PLEKHM2: variants seen among roughly 807,000 people sequenced by gnomAD.
PLEKHM2 encodes the protein pleckstrin homology and RUN domain containing M2.
In PLEKHM2, 77 loss-of-function variants were observed where a neutral mutation model predicts 116.3. The ratio of observed to expected loss-of-function variants is 0.66; its 90% CI spans 0.55 to 0.80. The LOEUF (loss-of-function observed/expected upper bound fraction) is 0.80, where lower values mean the gene tolerates loss of function less well. PLEKHM2 is among the 30% of genes least tolerant of loss of function. PLEKHM2 has a pLI of 0.00. For synonymous variants in PLEKHM2, 562 were observed against 571.0 expected, an observed-to-expected ratio of 0.98 and a Z score of 0.22; for missense variants, 1,183 against 1,354.9, an observed-to-expected ratio of 0.87 and a Z score of 1.99.
intron 1 of PLEKHM2, among the ~76,000 whole-genome samples, chr1:15,690,188 T>G (rs1406341801): frequency 6.6e-6 from 1 of 151,400 alleles, no homozygotes; most frequent in Non-Finnish European, 1.5e-5. Context: ...TGCCTCAACC[T>G]CCAAGTAGCT....
intron 8 of PLEKHM2, chr1:15,725,890 G>A (rs911542889): frequency 9.4e-6 from 3 of 317,616 alleles, no homozygotes; most frequent in Admixed American, 9.1e-5. Flanking sequence ...GTGGCGGGGA[G>A]TGGAGAGAGA....
intron 3 of PLEKHM2, among the ~76,000 whole-genome samples, chr1:15,717,332 T>G (rs1452414550): frequency 1.3e-5 from 2 of 152,178 alleles, no homozygotes; most frequent in East Asian, 3.8e-4. Flanking sequence ...GAGGATCCCT[T>G]GAGCCCAGGA....
intron 1 of PLEKHM2, among the ~76,000 whole-genome samples, chr1:15,693,336 C>T (rs531057169): frequency 2.1e-4 from 32 of 152,320 alleles, no homozygotes; most frequent in African/African-American, 6.7e-4. Context: ...CCATCTCACC[C>T]GGACCCATGC....
chr1:15,702,907 T>C (rs113553573), intron 1 of PLEKHM2, among the ~76,000 whole-genome samples: 1,960 of 150,342 alleles, frequency 0.013, 17 homozygotes, highest in Non-Finnish European at 0.022. Flanking sequence ...AAAAAAAAGT[T>C]GCTAGAAACA....
At chr1:15,707,872 G>A (rs1453538105) in intron 1 of PLEKHM2, among the ~76,000 whole-genome samples, 1 of 152,152 alleles carries the variant, frequency 6.6e-6, no homozygotes, top group Non-Finnish European at 1.5e-5. Flanking sequence ...TCTACCATGG[G>A]GTTTTAGTTC....
At chr1:15,689,268 A>AAGAAAT (rs1640840615) in intron 1 of PLEKHM2, among the ~76,000 whole-genome samples, 1 of 151,622 alleles carries the variant, frequency 6.6e-6, no homozygotes, top group South Asian at 2.1e-4. Flanking sequence ...AAAAGAAAGA[A>AAGAAAT]AGAAATACTG....
intron 1 of PLEKHM2, among the ~76,000 whole-genome samples, chr1:15,697,639 C>T (rs1348600747): frequency 6.6e-6 from 1 of 152,150 alleles, no homozygotes; most frequent in Non-Finnish European, 1.5e-5. Flanking sequence ...ATTCAAGTAC[C>T]TGCTTTTTTC....
In PLEKHM2 at chr1:15,732,372, C is replaced by G; in HGVS notation, c.2648C>G (p.Pro883Arg). The change falls in exon 18 of 20, where the codon CCC becomes CGC. Residue 883 changes from proline to arginine, a missense_variant. Physicochemically the swap from Pro to Arg is moderately radical, Grantham distance 103. This residue lies in a region of PLEKHM2 where 594 missense variants were observed against 720.1 expected (regional missense o/e 0.82). Transcript: ENST00000375799. ...CAGGTCATCCCCCAGGGCGTAGCTC[C>G]CAGCCCCTGCATACCCTGCTGCCTG... ...SKGVIPQGVAPSPCIPCCLVL... is the reference protein window; with the variant it reads ...SKGVIPQGVARSPCIPCCLVL... 6.4e-7 allele frequency: 1 copy of G among 1,556,540 alleles called. No individual in the cohort carries two copies. Among genetic ancestry groups the G allele is most frequent in the Non-Finnish European group, 8.7e-7 (1 of 1,150,234 alleles).
intron 8 of PLEKHM2, 148 bp from the exon 9 acceptor site, chr1:15,726,866 G>A (rs2068069398): frequency 1.9e-6 from 1 of 523,072 alleles, no homozygotes; most frequent in African/African-American, 1.9e-5. Flanking sequence ...CTGACCCAGT[G>A]CCTCCACCCA....
intron 1 of PLEKHM2, among the ~76,000 whole-genome samples, chr1:15,697,509 C>T (rs1363280364): frequency 2.0e-5 from 3 of 152,260 alleles, no homozygotes; most frequent in East Asian, 1.9e-4. Context: ...AAACCATGTT[C>T]TGTCAATTAT....
intron 1 of PLEKHM2, among the ~76,000 whole-genome samples, chr1:15,692,324 A>G (rs575468999): frequency 2.3e-4 from 35 of 152,380 alleles, no homozygotes; most frequent in Admixed American, 3.3e-4. Flanking sequence ...TAGTATCTAC[A>G]CACACGTTAC....
chr1:15,691,581 C>T (rs6679358), intron 1 of PLEKHM2, among the ~76,000 whole-genome samples: 7 of 152,036 alleles, frequency 4.6e-5, no homozygotes, highest in Non-Finnish European at 8.8e-5. Context: ...AGTGCCTCAC[C>T]GGCGTCGGCT....
intron 1 of PLEKHM2, among the ~76,000 whole-genome samples, chr1:15,710,420 C>T (rs531973930): frequency 2.0e-5 from 3 of 151,416 alleles, no homozygotes; most frequent in African/African-American, 4.8e-5. Context: ...CTCCAACTCC[C>T]GAGTTCAAGC....
chr1:15,714,910 G>A (rs1269947520), intron 1 of PLEKHM2, among the ~76,000 whole-genome samples: 1 of 152,226 alleles, frequency 6.6e-6, no homozygotes, highest in Non-Finnish European at 1.5e-5. Context: ...CTCTGTAACT[G>A]CGGTTGCAGT....
At chr1:15,730,453 A>AT in intron 14 of PLEKHM2, 79 bp from the exon 15 acceptor site, 1 of 1,240,886 alleles carries the variant, frequency 8.1e-7, no homozygotes, top group Non-Finnish European at 1.1e-6. Context: ...AAAAGAAAAA[A>AT]AAAGAACCAG....
intron 1 of PLEKHM2, among the ~76,000 whole-genome samples, chr1:15,696,875 T>A (rs1443281783): frequency 6.6e-6 from 1 of 152,238 alleles, no homozygotes; most frequent in Non-Finnish European, 1.5e-5. Flanking sequence ...TCATGCTTTC[T>A]AGCCTTGTAT....
At chr1:15,722,258 C>T (rs2148364094) in intron 7 of PLEKHM2, among the ~76,000 whole-genome samples, 1 of 152,352 alleles carries the variant, frequency 6.6e-6, no homozygotes. Context: ...ATTCTCCTGC[C>T]TCAGCCTCCC....
intron 1 of PLEKHM2, among the ~76,000 whole-genome samples, chr1:15,689,125 G>A (rs1431372655): frequency 2.0e-5 from 3 of 151,802 alleles, no homozygotes; most frequent in African/African-American, 2.4e-5. Context: ...GTGCATACCT[G>A]TAATCCCAGC....
chr1:15,688,263 C>G (rs115392052), intron 1 of PLEKHM2, among the ~76,000 whole-genome samples: 1,951 of 152,316 alleles, frequency 0.013, 19 homozygotes, highest in Non-Finnish European at 0.021. Flanking sequence ...GTTAATCCAT[C>G]TGAATCCAAG....
Sources: gnomAD v4.1 joint callset for allele counts (sites outside exome capture counted in the v4.1 genomes callset) on GRCh38, gnomAD v4.1.1 for gene constraint, gnomAD v4.1.1 regional missense constraint, MANE v1.5 for transcripts, NCBI Gene and HGNC (gene_info 2026-07-23, HGNC 2026-07-21) for gene names.